Variants in TMEM163 observed in about 807,000 individuals in gnomAD.
The protein encoded by TMEM163 is transmembrane protein 163.
TMEM163 carries 17 observed loss-of-function variants against 29.3 expected under a neutral mutation model. That is an observed-to-expected ratio of 0.58 (90% CI 0.40 to 0.87). The LOEUF (loss-of-function observed/expected upper bound fraction) is 0.87. TMEM163 is among the 40% of genes least tolerant of loss of function. The pLI, the probability that TMEM163 is intolerant of heterozygous loss-of-function variation, is 0.00. For synonymous variants in TMEM163, 157 were observed against 160.6 expected (o/e 0.98, Z 0.17); for missense variants, 303 against 381.5 (o/e 0.79, Z 1.71).
At chr2:134,670,375 A>T (rs1469553376) in intron 2 of TMEM163, among the ~76,000 whole-genome samples, 1 of 152,192 alleles carries the variant, frequency 6.6e-6, no homozygotes, top group East Asian at 1.9e-4. Context: ...CATGGCTAGA[A>T]GTGCATGGCC....
chr2:134,577,509 A>G (rs1337411395), intron 2 of TMEM163, among the ~76,000 whole-genome samples: 1 of 152,218 alleles, frequency 6.6e-6, no homozygotes, highest in Non-Finnish European at 1.5e-5. Context: ...CCATCCGCAG[A>G]GCAAGCTGGA....
intron 5 of TMEM163, among the ~76,000 whole-genome samples, chr2:134,473,807 A>T (rs1456215830): frequency 6.6e-6 from 1 of 152,204 alleles, no homozygotes; most frequent in African/African-American, 2.4e-5. Flanking sequence ...GACAAATCAA[A>T]CGTCATCCAA....
At chr2:134,548,681 T>C (rs957731364) in intron 4 of TMEM163, among the ~76,000 whole-genome samples, 1 of 119,478 alleles carries the variant, frequency 8.4e-6, no homozygotes. Flanking sequence ...GGTTTCAGAT[T>C]TTTTTTGGAT....
chr2:134,589,297 G>C (rs551191864), intron 2 of TMEM163, among the ~76,000 whole-genome samples: 1 of 152,288 alleles, frequency 6.6e-6, no homozygotes, highest in East Asian at 1.9e-4. Context: ...GAAAAATAAG[G>C]CTGAGACCCA....
intron 4 of TMEM163, among the ~76,000 whole-genome samples, chr2:134,541,703 C>T (rs115869716): frequency 6.6e-6 from 1 of 151,810 alleles, no homozygotes; most frequent in Admixed American, 6.6e-5. Context: ...AAACAGTTTT[C>T]AAAAAAACTA....
chr2:134,528,721 A>G (rs1161138865), intron 4 of TMEM163, among the ~76,000 whole-genome samples: 2 of 151,068 alleles, frequency 1.3e-5, no homozygotes, highest in African/African-American at 4.8e-5. Flanking sequence ...CAAAGTGTCA[A>G]TCTCAGTGGA....
At chr2:134,463,789 G>A (rs780780334) in intron 6 of TMEM163, among the ~76,000 whole-genome samples, 63 of 152,226 alleles carry the variant, frequency 4.1e-4, no homozygotes, top group Non-Finnish European at 6.8e-4. Flanking sequence ...TCCCCAGCCA[G>A]TGCGGCACCT....
intron 2 of TMEM163, among the ~76,000 whole-genome samples, chr2:134,595,356 C>T (rs1411951117): frequency 6.6e-6 from 1 of 152,036 alleles, no homozygotes; most frequent in Non-Finnish European, 1.5e-5. Context: ...TGAGTGAGAG[C>T]ATGCAGTGTT....
chr2:134,689,589 T>C (rs1684418725), intron 2 of TMEM163, among the ~76,000 whole-genome samples: 1 of 152,176 alleles, frequency 6.6e-6, no homozygotes, highest in Non-Finnish European at 1.5e-5. Context: ...GTCCAGAAAC[T>C]TCCAGGGAGG....
At chr2:134,554,448 A>G (rs1343587252) in intron 2 of TMEM163, among the ~76,000 whole-genome samples, 1 of 145,312 alleles carries the variant, frequency 6.9e-6, no homozygotes, top group Non-Finnish European at 1.5e-5. Context: ...AAAAAAAAAA[A>G]GAGAGAGAGA....
chr2:134,521,771 CTA>C (rs1680195246), intron 4 of TMEM163, among the ~76,000 whole-genome samples: 1 of 152,148 alleles, frequency 6.6e-6, no homozygotes. Context: ...GAAGAGCATC[CTA>C]TAATCCCAGG....
intron 2 of TMEM163, among the ~76,000 whole-genome samples, chr2:134,599,688 TTTATC>T (rs1270122140): frequency 7.0e-6 from 1 of 141,974 alleles, no homozygotes; most frequent in African/African-American, 2.6e-5. Flanking sequence ...TGTTCCCAAC[TTTATC>T]TTTTTTTTTT....
In TMEM163 at chr2:134,620,318, G is replaced by A. The variant is rs549293724; in HGVS notation, c.323-68227C>T. Among the ~76,000 whole-genome samples the A allele has an allele frequency of 1.3e-3, 197 of 151,188 alleles. 2 individuals carry two copies. The highest frequency in any genetic ancestry group is 4.3e-3 in the African/African-American group (176 of 41,092). ...GTTGCCCAAGCTAGAGTGCAATGGC[G>A]CGATCTCGGCTCACTGCAACCTCCA... On this transcript the variant is annotated intron_variant, in intron 2 of 7. Coordinates refer to ENST00000281924, the MANE Select transcript of TMEM163 (RefSeq NM_030923.5).
rs1347319889 is a variant in TMEM163 at position 134,597,058 on chromosome 2, A to G, written c.323-44967T>C. Among the ~76,000 whole-genome samples the G allele has an allele frequency of 2.2e-4, 33 of 152,304 alleles. No homozygotes were observed. In the East Asian group the frequency reaches 6.0e-3, roughly 28 times the overall value. ...TAGATATACAATCATGTCATCTGCA[A>G]ACAGGGACAATTTGACTTCCTCTTT... On this transcript the variant is annotated intron_variant, in intron 2 of 7. Transcript: ENST00000281924.
chr2:134,528,327 T>C (rs905229645), intron 4 of TMEM163, among the ~76,000 whole-genome samples: 2 of 152,186 alleles, frequency 1.3e-5, no homozygotes, highest in Non-Finnish European at 2.9e-5. Flanking sequence ...AATTCCAAAA[T>C]GAAAAACATT....
intron 2 of TMEM163, among the ~76,000 whole-genome samples, chr2:134,589,891 G>C (rs1465405466): frequency 1.3e-5 from 2 of 152,040 alleles, no homozygotes; most frequent in African/African-American, 4.8e-5. Flanking sequence ...AGCACTCATT[G>C]AGTGCCTATT....
At chr2:134,716,205 G>T (rs146607433) in intron 1 of TMEM163, among the ~76,000 whole-genome samples, 1 of 152,268 alleles carries the variant, frequency 6.6e-6, no homozygotes, top group Non-Finnish European at 1.5e-5. Flanking sequence ...GAGAAGAATA[G>T]GTATTCAAAG....
chr2:134,539,019 C>T (rs1680602725), intron 4 of TMEM163, among the ~76,000 whole-genome samples: 1 of 152,108 alleles, frequency 6.6e-6, no homozygotes, highest in East Asian at 1.9e-4. Flanking sequence ...TTTATAAAAA[C>T]CACCTATCTC....
At chr2:134,458,377 C>T (rs1686449974) in intron 6 of TMEM163, 3 of 593,092 alleles carry the variant, frequency 5.1e-6, no homozygotes, top group African/African-American at 1.9e-5. Context: ...GCCGTCACCC[C>T]CACCATCATT....
Sources: allele counts gnomAD v4.1 joint callset (sites outside exome capture counted in the v4.1 genomes callset), GRCh38; gene constraint gnomAD v4.1.1; transcripts MANE v1.5; gene names NCBI Gene and HGNC (gene_info 2026-07-23, HGNC 2026-07-21).